Variants in USP33 observed in about 807,000 individuals in gnomAD.
The protein encoded by USP33 is ubiquitin specific peptidase 33.
In USP33, 46 loss-of-function variants were observed where a neutral mutation model predicts 124.2. The observed-to-expected ratio is 0.37, with a 90% confidence interval of 0.29 to 0.47. The LOEUF (loss-of-function observed/expected upper bound fraction) is 0.47, where lower values mean the gene tolerates loss of function less well. Ranked by LOEUF, USP33 falls within the 20% of genes least tolerant of loss-of-function variation. USP33 has a pLI of 0.99. For missense variants in USP33, 851 were observed against 1,070.6 expected (o/e 0.79, Z 2.86); for synonymous variants, 350 against 352.3 (o/e 0.99, Z 0.07).
chr1:77,712,621 GAGCCCAGGAGTTCAAGATC>G (rs925903232), intron 20 of USP33, among the ~76,000 whole-genome samples: 23 of 152,102 alleles, frequency 1.5e-4, no homozygotes, highest in African/African-American at 2.7e-4. Flanking sequence ...CACATGGCTT[GAGCCCAGGAGTTCAAGATC>G]AGCCCAGGAG....
intron 8 of USP33, among the ~76,000 whole-genome samples, chr1:77,730,327 A>C (rs973567054): frequency 1.3e-5 from 2 of 152,236 alleles, no homozygotes; most frequent in African/African-American, 4.8e-5. Flanking sequence ...CATTGTGAGA[A>C]TGGCTGCTCC....
At chr1:77,728,760 T>C (rs374859126) in intron 9 of USP33, 48 bp from the exon 10 acceptor site, 28 of 1,553,256 alleles carry the variant, frequency 1.8e-5, no homozygotes, top group South Asian at 4.9e-5. Context: ...CATGTGTATA[T>C]AGAAACGTAA....
chr1:77,718,087 GA>G (rs750027618), intron 16 of USP33, 40 bp from the exon 17 acceptor site: 1 of 1,507,456 alleles, frequency 6.6e-7, no homozygotes, highest in Admixed American at 2.1e-5. Flanking sequence ...TGTCAATACA[GA>G]AAACAAAAAG....
At chr1:77,717,813 C>A (rs1676097132) in intron 17 of USP33, 54 bp downstream of exon 17, 1 of 1,462,886 alleles carries the variant, frequency 6.8e-7, no homozygotes, top group Non-Finnish European at 9.1e-7. Context: ...CACGCCCAGG[C>A]TTATTTTAAT....
chr1:77,732,764 T>G (rs1677970514), intron 7 of USP33, among the ~76,000 whole-genome samples: 1 of 149,686 alleles, frequency 6.7e-6, no homozygotes, highest in African/African-American at 2.4e-5. Flanking sequence ...TACTCATTCC[T>G]CAAGTTTCAG....
At chr1:77,740,171 C>T (rs1678956359) in intron 4 of USP33, among the ~76,000 whole-genome samples, 1 of 152,082 alleles carries the variant, frequency 6.6e-6, no homozygotes, top group Admixed American at 6.6e-5. Flanking sequence ...TGGGAAGTAC[C>T]AAACAACCAG....
intron 1 of USP33, among the ~76,000 whole-genome samples, chr1:77,742,271 G>A (rs779006971): frequency 4.9e-4 from 74 of 152,034 alleles, no homozygotes; most frequent in Non-Finnish European, 8.1e-4. Context: ...CTTTATATCA[G>A]GGTTTCTCGA....
At position 77,697,263 on chromosome 1, in the gene USP33, C is replaced by T. The variant is rs1482824453; in HGVS notation, c.*54G>A. On this transcript the variant is annotated 3_prime_UTR_variant, in exon 24 of 24. Transcript: ENST00000370794. The stretch of plus-strand genomic sequence containing the variant: ...TTTTAGGAATGTTTTCGCATGTGTA[C>T]ATGTCAGGGCACATGAAAATGATTC... 2.7e-6 allele frequency: 4 copies of T among 1,464,868 alleles called. No homozygotes were observed. Among genetic ancestry groups the T allele is most frequent in the Non-Finnish European group, 3.7e-6 (4 of 1,093,396 alleles). 90.7% of individuals were successfully genotyped at this position (1,464,868 alleles called of 1,614,324 possible).
chr1:77,743,975 T>C (rs1679430085), intron 1 of USP33, among the ~76,000 whole-genome samples: 1 of 151,898 alleles, frequency 6.6e-6, no homozygotes, highest in Non-Finnish European at 1.5e-5. Context: ...AATACAAACA[T>C]TAGCTGGGCG....
At chr1:77,697,741 A>G (rs1397189534) in intron 23 of USP33, 122 bp downstream of exon 23, 2 of 1,063,066 alleles carry the variant, frequency 1.9e-6, no homozygotes, top group Admixed American at 2.6e-5. Flanking sequence ...TACTTGCCCT[A>G]GTTAATGTAT....
chr1:77,732,453 C>G (rs1677933540), intron 7 of USP33, among the ~76,000 whole-genome samples: 1 of 152,166 alleles, frequency 6.6e-6, no homozygotes, highest in Non-Finnish European at 1.5e-5. Flanking sequence ...CTCTCTTCCC[C>G]CTCCAATTCA....
chr1:77,698,068 CTTT>C (rs371568762), intron 22 of USP33, 137 bp from the exon 23 acceptor site: 1,194 of 426,250 alleles, frequency 2.8e-3, no homozygotes, highest in Middle Eastern at 4.1e-3. Context: ...ATAGTTAATT[CTTT>C]TTTTTTTTTT....
intron 15 of USP33, among the ~76,000 whole-genome samples, 181 bp downstream of exon 15, chr1:77,720,991 A>G (rs1676503868): frequency 6.6e-6 from 1 of 152,218 alleles, no homozygotes; most frequent in Non-Finnish European, 1.5e-5. Context: ...AGCCTATTAA[A>G]TTTGTCAAAT....
At chr1:77,718,314 C>T (rs763373498) in intron 16 of USP33, among the ~76,000 whole-genome samples, 3 of 152,086 alleles carry the variant, frequency 2.0e-5, no homozygotes, top group African/African-American at 7.2e-5. Context: ...AATGGTGAAA[C>T]ATGGTACTTT....
rs148821983 is a variant in USP33 at position 77,720,075 on chromosome 1, G to A, written c.1691+1097C>T. Among the ~76,000 whole-genome samples, 228 of 140,922 alleles carry A rather than the reference G, an allele frequency of 1.6e-3. 1 individual carries two copies. The highest frequency in any genetic ancestry group is 5.6e-3 in the African/African-American group (212 of 38,074). 92.5% of individuals were successfully genotyped at this position (140,922 alleles called of 152,430 possible). On this transcript the variant is annotated intron_variant, in intron 15 of 23. Coordinates refer to ENST00000370794, the MANE Select transcript of USP33 (RefSeq NM_201624.3). ...CTTGAGAGGCTGAGGCAGGAGGATC[G>A]CTTGTGCCCAGGAAGCTGAGCCTGC...
rs773243388 is a variant in USP33, at chr1:77,728,632, A to T, written c.798T>A (p.Asp266Glu). ...LKEQVMEVEE[D>E]PQTITTEETM... ...TCTCCTCAGTGGTTATGGTTTGCGG[A>T]TCTTCTTCTACTTCCATGACTTGCT... The change falls in exon 10 of 24, where the codon GAT becomes GAA. Residue 266 changes from aspartate (D) to glutamate (E), a missense_variant. This residue lies in a region of USP33 where 207 missense variants were observed against 200.9 expected (regional missense o/e 1.03). Coordinates refer to ENST00000370794, the MANE Select transcript of USP33 (RefSeq NM_201624.3). 7 of 1,614,084 alleles carry T rather than the reference A, an allele frequency of 4.3e-6. No individual in the cohort carries two copies. In the South Asian group the frequency reaches 7.7e-5, roughly 18 times the overall value.
chr1:77,706,227 A>G (rs1674613171), intron 21 of USP33, among the ~76,000 whole-genome samples: 1 of 152,190 alleles, frequency 6.6e-6, no homozygotes, highest in Admixed American at 6.5e-5. Flanking sequence ...AAATTACCAA[A>G]CTGTTTATCA....
At chr1:77,707,568 A>C (rs948244287) in intron 21 of USP33, among the ~76,000 whole-genome samples, 1 of 152,190 alleles carries the variant, frequency 6.6e-6, no homozygotes, top group Non-Finnish European at 1.5e-5. Flanking sequence ...TCTTTTTGGG[A>C]ACCACCATTC....
At position 77,721,935 on chromosome 1, in the gene USP33, CATT is replaced by C. The variant is rs1307354685; in HGVS notation, c.1563-13_1563-11del. On this transcript the variant is annotated splice_polypyrimidine_tract_variant and intron_variant, in intron 13 of 23. Transcript: ENST00000370794. ...ACATGAGACAACAAACCTGAAACATCATTGATAGAAAAAAAAGGAAGTGTTCTG... is the reference window on the plus strand; with the variant it reads ...ACATGAGACAACAAACCTGAAACATCGATAGAAAAAAAAGGAAGTGTTCTG... 3.1e-6 allele frequency: 5 copies of C among 1,602,710 alleles called. No homozygotes were observed. Among genetic ancestry groups the C allele is most frequent in the Non-Finnish European group, 4.2e-6 (5 of 1,176,950 alleles).
Sources: gnomAD v4.1 joint callset for allele counts (sites outside exome capture counted in the v4.1 genomes callset) on GRCh38, gnomAD v4.1.1 for gene constraint, gnomAD v4.1.1 regional missense constraint, MANE v1.5 for transcripts, NCBI Gene and HGNC (gene_info 2026-07-23, HGNC 2026-07-21) for gene names.